The following PEBP4 variants were observed in gnomAD, a reference collection of about 807,000 sequenced individuals.
PEBP4 encodes the protein phosphatidylethanolamine binding protein 4.
Under a neutral mutation model 23.9 loss-of-function variants are expected in PEBP4, and 22 were observed. The ratio of observed to expected loss-of-function variants is 0.92; its 90% CI spans 0.66 to 1.31. PEBP4 has a LOEUF of 1.31. Ranked by LOEUF, PEBP4 falls within the 40% of genes most tolerant of loss-of-function variation. The probability of loss-of-function intolerance (pLI) is 0.00; values close to 1 mark genes in which losing one functional copy is unlikely to be tolerated. For synonymous variants in PEBP4, 112 were observed against 99.3 expected (o/e 1.13, Z -0.76); for missense variants, 324 against 281.7 (o/e 1.15, Z -1.07).
intron 3 of PEBP4, among the ~76,000 whole-genome samples, chr8:22,837,210 G>A (rs918410367): frequency 2.0e-5 from 3 of 152,044 alleles, no homozygotes; most frequent in Non-Finnish European, 2.9e-5. Context: ...CCTCTATTTC[G>A]ATAGCATCCT....
At chr8:22,765,152 T>TTCCTTCCTTCCTTG (rs1375605717) in intron 4 of PEBP4, among the ~76,000 whole-genome samples, 1 of 66,798 alleles carries the variant, frequency 1.5e-5, no homozygotes, top group African/African-American at 5.3e-5. Flanking sequence ...TTCCTTCCTT[T>TTCCTTCCTTCCTTG]CTTTCTTCTG....
At chr8:22,844,185 G>T (rs751905089) in intron 3 of PEBP4, among the ~76,000 whole-genome samples, 4 of 152,210 alleles carry the variant, frequency 2.6e-5, no homozygotes, top group African/African-American at 9.7e-5. Context: ...AAATTAGGAC[G>T]AGACTGTACT....
intron 4 of PEBP4, among the ~76,000 whole-genome samples, chr8:22,778,765 C>T (rs893983518): frequency 6.6e-6 from 1 of 152,132 alleles, no homozygotes; most frequent in African/African-American, 2.4e-5. Flanking sequence ...CGGATGGCTC[C>T]CCAGCCTTCC....
intron 3 of PEBP4, among the ~76,000 whole-genome samples, chr8:22,819,600 T>C (rs1339982400): frequency 6.6e-6 from 1 of 151,776 alleles, no homozygotes; most frequent in African/African-American, 2.4e-5. Flanking sequence ...ATTGTTTTTG[T>C]TTTTTTGTTT....
rs182614290 is a variant in PEBP4, at chr8:22,923,510, T to C, written c.132-3200A>G. ...TGAGTCTGGGAGGTCAAGGTTGCAG[T>C]GAGCCATGATCCTGCTTCTACATTC... is the stretch of plus-strand genomic sequence containing the variant. On this transcript the variant is annotated intron_variant, in intron 2 of 6. Transcript: ENST00000256404. 2.2e-3 allele frequency among the ~76,000 whole-genome samples: 328 copies of C among 152,194 alleles called. 1 individual carries two copies. The highest frequency in any genetic ancestry group is 7.1e-3 in the African/African-American group (293 of 41,516).
At chr8:22,890,358 A>T (rs2466184) in intron 3 of PEBP4, among the ~76,000 whole-genome samples, 121,020 of 152,254 alleles carry the variant, frequency 0.79, 49,848 homozygotes, top group East Asian at 1. Context: ...TGGTCCACGG[A>T]CCACACTTTG....
chr8:22,743,961 G>A (rs1370399284), intron 4 of PEBP4, among the ~76,000 whole-genome samples: 2 of 152,220 alleles, frequency 1.3e-5, no homozygotes, highest in Non-Finnish European at 2.9e-5. Flanking sequence ...GACCCTGTTT[G>A]GCTTCTCGGA....
At chr8:22,834,808 G>A (rs771834196) in intron 3 of PEBP4, among the ~76,000 whole-genome samples, 6 of 152,200 alleles carry the variant, frequency 3.9e-5, no homozygotes, top group Non-Finnish European at 8.8e-5. Flanking sequence ...GCCATCCTGT[G>A]ACTGAGAGGG....
intron 4 of PEBP4, among the ~76,000 whole-genome samples, chr8:22,768,244 C>T (rs1805648612): frequency 6.6e-6 from 1 of 152,160 alleles, no homozygotes; most frequent in Non-Finnish European, 1.5e-5. Flanking sequence ...TCTTGTGTCC[C>T]TCTGCCCCCT....
chr8:22,763,735 C>A (rs1585260154), intron 4 of PEBP4, among the ~76,000 whole-genome samples: 1 of 152,194 alleles, frequency 6.6e-6, no homozygotes, highest in Admixed American at 6.5e-5. Flanking sequence ...CTTTCTCCCC[C>A]AAACAACTAC....
chr8:22,868,093 G>A (rs970898804), intron 3 of PEBP4, among the ~76,000 whole-genome samples: 4 of 152,184 alleles, frequency 2.6e-5, no homozygotes, highest in Admixed American at 1.3e-4. Context: ...TGCCCCAGAT[G>A]TTGGGGGTTG....
chr8:22,849,916 G>A (rs11779201), intron 3 of PEBP4, among the ~76,000 whole-genome samples: 21,021 of 152,098 alleles, frequency 0.14, 1,695 homozygotes, highest in Middle Eastern at 0.22. Flanking sequence ...AGTGTACTCC[G>A]TGAAGGAGGT....
chr8:22,918,684 A>G (rs1288275322), intron 3 of PEBP4, among the ~76,000 whole-genome samples: 1 of 152,194 alleles, frequency 6.6e-6, no homozygotes, highest in Non-Finnish European at 1.5e-5. Flanking sequence ...CTCACTACAT[A>G]AGGGACAAAC....
intron 4 of PEBP4, among the ~76,000 whole-genome samples, chr8:22,758,988 G>C (rs1013076669): frequency 1.0e-4 from 15 of 148,658 alleles, no homozygotes; most frequent in Non-Finnish European, 1.9e-4. Flanking sequence ...GGGAGGGGAG[G>C]ACCATCTGCA....
At chr8:22,715,817 A>G (rs941526671) in intron 6 of PEBP4, among the ~76,000 whole-genome samples, 1 of 152,136 alleles carries the variant, frequency 6.6e-6, no homozygotes, top group African/African-American at 2.4e-5. Context: ...CCTGCCACAG[A>G]GGGCAAGTTC....
At chr8:22,728,559 T>TCTTTCTTTCTTCCTTCCTTC (rs1462225042) in intron 4 of PEBP4, among the ~76,000 whole-genome samples, 91 of 96,330 alleles carry the variant, frequency 9.4e-4, no homozygotes, top group African/African-American at 3.5e-3. Context: ...TTTCTTTCTT[T>TCTTTCTTTCTTCCTTCCTTC]CTTCCTTCCT....
At chr8:22,768,472 C>T (rs889546405) in intron 4 of PEBP4, among the ~76,000 whole-genome samples, 5 of 152,216 alleles carry the variant, frequency 3.3e-5, no homozygotes, top group Admixed American at 6.5e-5. Flanking sequence ...CAAAGCCAAG[C>T]AGACCCCCCA....
At chr8:22,890,963 A>G (rs954847929) in intron 3 of PEBP4, among the ~76,000 whole-genome samples, 1 of 152,030 alleles carries the variant, frequency 6.6e-6, no homozygotes, top group African/African-American at 2.4e-5. Context: ...CGAGTAGCTG[A>G]GATTACAGGT....
chr8:22,923,865 T>C (rs551944133), intron 2 of PEBP4, among the ~76,000 whole-genome samples: 1 of 152,286 alleles, frequency 6.6e-6, no homozygotes, highest in South Asian at 2.1e-4. Flanking sequence ...TACCGCACAC[T>C]GAATCCACTA....
Sources: allele counts gnomAD v4.1 joint callset (sites outside exome capture counted in the v4.1 genomes callset), GRCh38; gene constraint gnomAD v4.1.1; transcripts MANE v1.5; gene names NCBI Gene and HGNC (gene_info 2026-07-23, HGNC 2026-07-21).